PSG9: variants seen among roughly 807,000 people sequenced by gnomAD.
PSG9 encodes pregnancy specific beta-1-glycoprotein 9.
PSG9 carries 49 observed loss-of-function variants against 41.9 expected under a neutral mutation model. That is an observed-to-expected ratio of 1.17 (90% CI 0.93 to 1.48). The LOEUF (loss-of-function observed/expected upper bound fraction) is 1.48, where lower values mean the gene tolerates loss of function less well. Among genes scored for constraint, PSG9 ranks in the 40% most tolerant of loss-of-function variants. PSG9 has a pLI of 0.00. For missense variants in PSG9, 641 were observed against 520.3 expected (o/e 1.23, Z -2.26); for synonymous variants, 263 against 196.8 (o/e 1.34, Z -2.82).
In PSG9 at chr19:43,258,278, G is replaced by C. The variant is rs762496081; in HGVS notation, c.1167C>G (p.Ser389Arg). ...LFIPQITRNH[S>R]GLYACSVHNS... Reference sequence around the variant, plus strand: ...TATGAACAGAGCAAGCATAGAGCCCGCTATGATTTCTAGTAATTTGGGGGA... The same window carrying C: ...TATGAACAGAGCAAGCATAGAGCCCCCTATGATTTCTAGTAATTTGGGGGA... The change falls in exon 5 of 6, where the codon AGC becomes AGG. Residue 389 changes from serine to arginine, a missense_variant. Transcript: ENST00000270077. 6.3e-7 allele frequency: 1 copy of C among 1,592,754 alleles called. No individual in the cohort carries two copies. The highest frequency in any genetic ancestry group is 1.1e-5 in the South Asian group (1 of 89,954).
rs147376915 is a variant in PSG9, at chr19:43,267,911, T to C, written c.303A>G (p.Val101=). Residue 101 remains valine, a synonymous_variant, in exon 2 of 6, where the codon GTA becomes GTG. Transcript: ENST00000270077. ...YGPAYSGRET[V]YSNASLLIQN... Reference sequence around the variant, plus strand: ...GGATCAGCAGGGATGCGTTGGAATATACTGTTTCTCTTCCACTGTATGCAG... The same window carrying C: ...GGATCAGCAGGGATGCGTTGGAATACACTGTTTCTCTTCCACTGTATGCAG... The C allele has an allele frequency of 2.5e-6, 4 of 1,613,846 alleles. No homozygotes were observed. In the East Asian group the frequency reaches 8.9e-5, roughly 36 times the overall value.
chr19:43,267,958 C>G lies in PSG9; in HGVS notation c.256G>C (p.Gly86Arg), dbSNP rs753383711. The G allele has an allele frequency of 1.2e-6, 2 of 1,613,480 alleles. No individual in the cohort carries two copies. Among genetic ancestry groups the G allele is most frequent in the Middle Eastern group, 3.3e-4 (2 of 6,056 alleles). ...YHYIISYIVD[G>R]KIIIYGPAYS... ...GCAGGCCCATATATAATTATTTTAC[C>G]ATCAACTATATACGATATAATGTAA... Residue 86 changes from glycine (G) to arginine (R), a missense_variant, in exon 2 of 6, where the codon GGT (glycine) becomes CGT (arginine). Coordinates refer to ENST00000270077, the MANE Select transcript of PSG9 (RefSeq NM_002784.5).
chr19:43,269,382 C>G lies in PSG9; in HGVS notation c.50G>C (p.Gly17Ala). The stretch of plus-strand genomic sequence containing the variant: ...TCTCTCCTCACCTGTGAGCAGGAGC[C>G]CCTTCCAGGTGATGCGCTGTGTGCA... ...PSCTQRITWK[G>A]LLLTASLLNF... is the part of the protein sequence containing the mutation. Residue 17 changes from glycine to alanine, a missense_variant, in exon 1 of 6, where the codon GGG becomes GCG. By Grantham distance (60) the Gly-to-Ala change is moderately conservative (BLOSUM62 0). Coordinates refer to ENST00000270077, the MANE Select transcript of PSG9 (RefSeq NM_002784.5). 6.2e-7 allele frequency: 1 copy of G among 1,613,628 alleles called. No homozygotes were observed. The highest frequency in any genetic ancestry group is 1.1e-5 in the South Asian group (1 of 91,064).
At chr19:43,256,272 A>T (rs1968441718) in intron 5 of PSG9, among the ~76,000 whole-genome samples, 1 of 146,990 alleles carries the variant, frequency 6.8e-6, no homozygotes. Flanking sequence ...AAGCTTCATG[A>T]TACTGGATTT....
Position 43,258,318 on chromosome 19 carries a change from C to A in PSG9, c.1127G>T (p.Gly376Val), listed in dbSNP as rs376168547. 3.8e-6 allele frequency: 6 copies of A among 1,592,760 alleles called. No individual in the cohort carries two copies. In the African/African-American group the frequency reaches 8.5e-5, roughly 23 times the overall value. ...AATTTGGGGGATAAAGAGCTTTTGT[C>A]CTGATTGCTGAAACTTCCCATTAAT... ...WTINGKFQQS[G>V]QKLFIPQITR... The change falls in exon 5 of 6, where the codon GGA becomes GTA. Residue 376 changes from glycine to valine, a missense_variant. Coordinates refer to ENST00000270077, the MANE Select transcript of PSG9 (RefSeq NM_002784.5).
At chr19:43,257,525 C>T (rs1968488197) in intron 5 of PSG9, 2 of 978,610 alleles carry the variant, frequency 2.0e-6, no homozygotes, top group Non-Finnish European at 2.4e-6. Flanking sequence ...ACTTCAGAGC[C>T]AGGACGCAGC....
At chr19:43,266,604 C>T (rs936552047) in intron 2 of PSG9, among the ~76,000 whole-genome samples, 2 of 152,074 alleles carry the variant, frequency 1.3e-5, no homozygotes, top group Non-Finnish European at 2.9e-5. Context: ...ATATTTTTTG[C>T]ACTGACTCTG....
chr19:43,256,247 C>A (rs1968440506), intron 5 of PSG9, among the ~76,000 whole-genome samples: 1 of 146,630 alleles, frequency 6.8e-6, no homozygotes, highest in Admixed American at 6.8e-5. Context: ...AAAAACTACA[C>A]AACTCTTAGA....
intron 5 of PSG9, chr19:43,257,642 C>A: frequency 9.8e-7 from 1 of 1,021,152 alleles, no homozygotes; most frequent in Non-Finnish European, 1.2e-6. Context: ...CAGGACAGGC[C>A]ACCAGGGCCC....
Position 43,258,342 on chromosome 19 carries a change from A to T in PSG9, c.1103T>A (p.Ile368Asn), listed in dbSNP as rs762275694. The change falls in exon 5 of 6, where the codon ATT becomes AAT. Residue 368 changes from isoleucine (I) to asparagine (N), a missense_variant. Coordinates refer to ENST00000270077, the MANE Select transcript of PSG9 (RefSeq NM_002784.5). Reference protein sequence around the residue: ...SNPPAEYFWTINGKFQQSGQK... With the variant: ...SNPPAEYFWTNNGKFQQSGQK... The stretch of plus-strand genomic sequence containing the variant: ...TCCTGATTGCTGAAACTTCCCATTA[A>T]TTGTCCAAAAATACTCTGCCGGTGG... The T allele has an allele frequency of 9.4e-6, 15 of 1,592,818 alleles. 2 individuals carry two copies. Among genetic ancestry groups the T allele is most frequent in the Non-Finnish European group, 1.2e-5 (14 of 1,174,542 alleles).
chr19:43,264,305 T>G (rs1968863563), intron 2 of PSG9, among the ~76,000 whole-genome samples: 1 of 152,166 alleles, frequency 6.6e-6, no homozygotes, highest in African/African-American at 2.4e-5. Context: ...AATATGAAGT[T>G]GAATATGTTG....
chr19:43,260,277 G>A (rs1379654899), intron 3 of PSG9: 1 of 147,118 alleles, frequency 6.8e-6, no homozygotes, highest in East Asian at 2.4e-4. Context: ...GATGCCTATA[G>A]TTCACACAGA....
At chr19:43,268,723 C>T (rs909633477) in intron 1 of PSG9, among the ~76,000 whole-genome samples, 1 of 152,132 alleles carries the variant, frequency 6.6e-6, no homozygotes, top group Non-Finnish European at 1.5e-5. Flanking sequence ...GTTCTCAGGG[C>T]CCTCCATGCC....
rs1182019037 is a variant in PSG9 at position 43,253,421 on chromosome 19, T to A, written c.*188A>T. On this transcript the variant is annotated 3_prime_UTR_variant, in exon 6 of 6. Coordinates refer to ENST00000270077, the MANE Select transcript of PSG9 (RefSeq NM_002784.5). ...TACAAAAGTATACTTTACCAATTGC[T>A]GAAGAAAAAAAGTTCATAAATCTGG... 2.4e-6 allele frequency: 1 copy of A among 424,858 alleles called. No homozygotes were observed. The highest frequency in any genetic ancestry group is 4.1e-6 in the Non-Finnish European group (1 of 242,742). The allele number at this position is 424,858 out of a possible 1,614,324, so 26.3% of individuals were successfully genotyped here. A position where few individuals can be genotyped will look rare whatever the true frequency, so the allele number is the denominator to read the frequency against.
At position 43,258,198 on chromosome 19, in the gene PSG9, T is replaced by G. The variant is rs576068657; in HGVS notation, c.1243+4A>C. 6.3e-7 allele frequency: 1 copy of G among 1,592,742 alleles called. No homozygotes were observed. Among genetic ancestry groups the G allele is most frequent in the East Asian group, 2.7e-5 (1 of 37,566 alleles). On this transcript the variant is annotated splice_donor_region_variant and intron_variant, in intron 5 of 5. Transcript: ENST00000270077. ...TACTGCCAAGGATGCTGGGATCCACTTACCAGAGACTTTGACTGTCATGGA... is the reference window on the plus strand; with the variant it reads ...TACTGCCAAGGATGCTGGGATCCACGTACCAGAGACTTTGACTGTCATGGA...
intron 5 of PSG9, chr19:43,257,690 A>G: frequency 6.3e-6 from 7 of 1,103,236 alleles, no homozygotes; most frequent in Non-Finnish European, 7.7e-6. Context: ...AGGTTGAGTG[A>G]GGCAGGGCCA....
Position 43,262,049 on chromosome 19 carries a change from G to T in PSG9, c.520C>A (p.Leu174Met). 1 of 1,613,948 alleles carries T rather than the reference G, an allele frequency of 6.2e-7. No homozygotes were observed. The stretch of plus-strand genomic sequence containing the variant: ...ATCCACCATAGGTAGCTTGCGTCCA[G>T]AGTCTCAGGATCACAGATTAAGCGC... The part of the protein sequence containing the change: ...AVRLICDPET[L>M]DASYLWWMNG... Residue 174 changes from leucine (L) to methionine (M), a missense_variant, in exon 3 of 6, where the codon CTG becomes ATG. Coordinates refer to ENST00000270077, the MANE Select transcript of PSG9 (RefSeq NM_002784.5).
Position 43,261,829 on chromosome 19 carries a change from C to T in PSG9, c.709+31G>A, listed in dbSNP as rs535851367. The T allele has an allele frequency of 1.4e-5, 23 of 1,613,904 alleles. 1 individual carries two copies. The highest frequency in any genetic ancestry group is 1.9e-5 in the Non-Finnish European group (23 of 1,179,934). ...TGGCCATGTGTATTTGGGATGGCAG[C>T]CTGGCTCACAGAGGAACAGAAGATA... is the stretch of plus-strand genomic sequence containing the variant. On this transcript the variant is annotated intron_variant, in intron 3 of 5. Coordinates refer to ENST00000270077, the MANE Select transcript of PSG9 (RefSeq NM_002784.5).
chr19:43,258,952 G>T lies in PSG9; in HGVS notation c.893C>A (p.Pro298His). The part of the protein sequence containing the change: ...RPIENRILIL[P>H]SVTRNETGPY... ...TCCTGTTTCATTTCTCGTGACACTG[G>T]GTAGAATGAGTATCCTGTTTTCAAT... is the stretch of plus-strand genomic sequence containing the variant. Residue 298 changes from proline (P) to histidine (H), a missense_variant, in exon 4 of 6, where the codon CCC becomes CAC. Transcript: ENST00000270077. The T allele has an allele frequency of 6.3e-7, 1 of 1,590,236 alleles. No individual in the cohort carries two copies.
Sources: allele counts gnomAD v4.1 joint callset (sites outside exome capture counted in the v4.1 genomes callset), GRCh38; gene constraint gnomAD v4.1.1; transcripts MANE v1.5; gene names NCBI Gene and HGNC (gene_info 2026-07-23, HGNC 2026-07-21).